Variants in DLC1 observed in about 807,000 individuals in gnomAD.
DLC1 encodes DLC1 Rho GTPase activating protein, also known as rho GTPase-activating protein 7.
In DLC1, 54 loss-of-function variants were observed where a neutral mutation model predicts 140.3. The ratio of observed to expected loss-of-function variants is 0.38; its 90% CI spans 0.31 to 0.48. DLC1 has a LOEUF of 0.48. Among genes scored for constraint, DLC1 ranks in the 20% least tolerant of loss-of-function variants. DLC1 has a pLI of 0.96. For missense variants in DLC1, 2,536 were observed against 1,907.0 expected (o/e 1.33, Z -6.14); for synonymous variants, 986 against 728.1 (o/e 1.35, Z -5.70).
intron 1 of DLC1, among the ~76,000 whole-genome samples, chr8:13,506,041 T>C (rs1802046224): frequency 6.9e-6 from 1 of 144,360 alleles, no homozygotes; most frequent in African/African-American, 2.5e-5. Context: ...TGAGAATACA[T>C]GTGATACATA....
chr8:13,172,015 C>A (rs568929175), intron 5 of DLC1, among the ~76,000 whole-genome samples: 3 of 152,260 alleles, frequency 2.0e-5, no homozygotes, highest in Middle Eastern at 3.4e-3. Flanking sequence ...TACATCTACA[C>A]GCCATCACTA....
intron 2 of DLC1, among the ~76,000 whole-genome samples, chr8:13,465,165 T>G (rs1754497565): frequency 1.3e-5 from 2 of 152,194 alleles, no homozygotes; most frequent in African/African-American, 4.8e-5. Flanking sequence ...GTCTTTTGGA[T>G]TATTTCTAGT....
At chr8:13,448,796 A>C (rs1036451256) in intron 2 of DLC1, among the ~76,000 whole-genome samples, 1 of 152,216 alleles carries the variant, frequency 6.6e-6, no homozygotes, top group Non-Finnish European at 1.5e-5. Context: ...GTTTTTGCAC[A>C]GATTAGGTCA....
chr8:13,226,608 A>G (rs1828804958), intron 5 of DLC1, among the ~76,000 whole-genome samples: 1 of 152,216 alleles, frequency 6.6e-6, no homozygotes, highest in Non-Finnish European at 1.5e-5. Context: ...ATCACCTGGC[A>G]GTTACAAACA....
intron 1 of DLC1, among the ~76,000 whole-genome samples, chr8:13,590,661 G>A (rs1805487575): frequency 6.6e-6 from 1 of 151,824 alleles, no homozygotes; most frequent in African/African-American, 2.4e-5. Context: ...AATCAGAGTG[G>A]GCTCTGTATT....
In DLC1 at chr8:13,500,060, A is replaced by G. The variant is rs1801735129; in HGVS notation, c.12T>C (p.Ala4=). The change falls in exon 2 of 18, where the codon GCT becomes GCC. Residue 4 remains alanine (A), a synonymous_variant. Transcript: ENST00000276297. The part of the protein sequence containing the change: MSV[A]IRKRSWEEHV... ...GTTCTTCCCAGCTTCTCTTTCTGATAGCTACAGACATGTCATCGTAGTTTA... is the reference window on the plus strand; with the variant it reads ...GTTCTTCCCAGCTTCTCTTTCTGATGGCTACAGACATGTCATCGTAGTTTA... 1 of 1,613,326 alleles carries G rather than the reference A, an allele frequency of 6.2e-7. No homozygotes were observed. The highest frequency in any genetic ancestry group is 8.5e-7 in the Non-Finnish European group (1 of 1,179,438).
At chr8:13,580,739 G>A (rs1208848738) in intron 1 of DLC1, among the ~76,000 whole-genome samples, 3 of 152,174 alleles carry the variant, frequency 2.0e-5, no homozygotes, top group Non-Finnish European at 4.4e-5. Flanking sequence ...ATTTACATTA[G>A]GCAGTATTAA....
chr8:13,580,449 C>T (rs1360924290), intron 1 of DLC1, among the ~76,000 whole-genome samples: 3 of 152,152 alleles, frequency 2.0e-5, no homozygotes, highest in African/African-American at 7.2e-5. Flanking sequence ...CCGAAGCTTA[C>T]ACAAAGCAGC....
chr8:13,426,367 A>G (rs1035863490), intron 2 of DLC1, among the ~76,000 whole-genome samples: 2 of 152,216 alleles, frequency 1.3e-5, no homozygotes, highest in South Asian at 2.1e-4. Context: ...TGCTACATAG[A>G]TGCACATGTT....
chr8:13,439,391 C>T (rs1174803511), intron 2 of DLC1, among the ~76,000 whole-genome samples: 1 of 152,098 alleles, frequency 6.6e-6, no homozygotes. Context: ...AGTTTACTGA[C>T]CTCTGCCATG....
chr8:13,488,054 A>G (rs1286685474), intron 2 of DLC1, among the ~76,000 whole-genome samples: 1 of 152,198 alleles, frequency 6.6e-6, no homozygotes, highest in African/African-American at 2.4e-5. Flanking sequence ...GTAGAATATG[A>G]AATATGATCA....
At chr8:13,541,820 A>G (rs1803495717) in intron 1 of DLC1, among the ~76,000 whole-genome samples, 1 of 152,176 alleles carries the variant, frequency 6.6e-6, no homozygotes, top group South Asian at 2.1e-4. Context: ...AAGTGCTGGG[A>G]TTACAGGCAT....
At chr8:13,412,724 G>C (rs1302362705) in intron 2 of DLC1, among the ~76,000 whole-genome samples, 1 of 151,948 alleles carries the variant, frequency 6.6e-6, no homozygotes, top group Non-Finnish European at 1.5e-5. Context: ...ACGAGGTCAG[G>C]AGATAGAGAC....
In DLC1 at chr8:13,571,861, C is replaced by T. The variant is rs77001903; in HGVS notation, c.-126+32676G>A. ...GATTCGGATTTTTTCACGTCCTTGC[C>T]AACACTTTTTATTTTCCCCTTCAAA... is the stretch of plus-strand genomic sequence containing the variant. On this transcript the variant is annotated intron_variant, in intron 1 of 1. Transcript: ENST00000631382. 1.7e-3 allele frequency among the ~76,000 whole-genome samples: 256 copies of T among 152,188 alleles called. 1 individual carries two copies. Among genetic ancestry groups the T allele is most frequent in the African/African-American group, 5.9e-3 (243 of 41,536 alleles).
chr8:13,560,963 A>ATT (rs1232445679), intron 1 of DLC1, among the ~76,000 whole-genome samples: 1 of 152,070 alleles, frequency 6.6e-6, no homozygotes, highest in Admixed American at 6.5e-5. Flanking sequence ...GGTCACTGAG[A>ATT]TTATATATAT....
chr8:13,343,769 G>C (rs766024116), intron 4 of DLC1, among the ~76,000 whole-genome samples: 2 of 152,124 alleles, frequency 1.3e-5, no homozygotes, highest in Non-Finnish European at 2.9e-5. Flanking sequence ...CCTAAACATA[G>C]TTTTAAGGCC....
intron 5 of DLC1, among the ~76,000 whole-genome samples, chr8:13,290,113 A>C (rs1831701237): frequency 6.6e-6 from 1 of 152,192 alleles, no homozygotes; most frequent in Admixed American, 6.5e-5. Context: ...AGTTTTGGTT[A>C]TATTTATAAT....
At chr8:13,318,327 C>G (rs1832940318) in intron 4 of DLC1, among the ~76,000 whole-genome samples, 1 of 151,768 alleles carries the variant, frequency 6.6e-6, no homozygotes, top group African/African-American at 2.4e-5. Context: ...AGCCATTGTG[C>G]TTGGCCAACT....
At chr8:13,323,389 T>C (rs1362746714) in intron 4 of DLC1, among the ~76,000 whole-genome samples, 1 of 152,216 alleles carries the variant, frequency 6.6e-6, no homozygotes, top group Non-Finnish European at 1.5e-5. Context: ...AAAGACAATA[T>C]AAAAATTAAA....
Sources: allele counts gnomAD v4.1 joint callset (sites outside exome capture counted in the v4.1 genomes callset), GRCh38; gene constraint gnomAD v4.1.1; transcripts MANE v1.5; gene names NCBI Gene and HGNC (gene_info 2026-07-23, HGNC 2026-07-21).